SPATS2L: variants seen among roughly 807,000 people sequenced by gnomAD.
SPATS2L encodes the protein spermatogenesis associated serine rich 2 like.
In SPATS2L, 30 loss-of-function variants were observed where a neutral mutation model predicts 59.6. The ratio of observed to expected loss-of-function variants is 0.50; its 90% confidence interval spans 0.38 to 0.68. The LOEUF (loss-of-function observed/expected upper bound fraction) is 0.68. Ranked by LOEUF, SPATS2L falls within the 30% of genes least tolerant of loss-of-function variation. SPATS2L has a pLI of 0.00. For missense variants in SPATS2L, 615 were observed against 700.0 expected (o/e 0.88, Z 1.37); for synonymous variants, 252 against 263.5 (o/e 0.96, Z 0.42).
chr2:200,472,160 T>C (rs2087096984), intron 11 of SPATS2L, among the ~76,000 whole-genome samples: 1 of 152,160 alleles, frequency 6.6e-6, no homozygotes, highest in South Asian at 2.1e-4. Flanking sequence ...ACCTTGGAAG[T>C]GGTGCACATC....
At chr2:200,458,750 T>C (rs1484918618) in intron 8 of SPATS2L, among the ~76,000 whole-genome samples, 1 of 152,026 alleles carries the variant, frequency 6.6e-6, no homozygotes, top group African/African-American at 2.4e-5. Flanking sequence ...AAAAAAGATT[T>C]ATGGGACAGT....
intron 2 of SPATS2L, among the ~76,000 whole-genome samples, chr2:200,387,045 T>A (rs2082014669): frequency 6.6e-6 from 1 of 152,216 alleles, no homozygotes; most frequent in Non-Finnish European, 1.5e-5. Context: ...CAAAAACACC[T>A]AATTATTTGT....
At chr2:200,325,348 G>C (rs2079698992) in intron 1 of SPATS2L, among the ~76,000 whole-genome samples, 1 of 152,132 alleles carries the variant, frequency 6.6e-6, no homozygotes, top group Admixed American at 6.5e-5. Flanking sequence ...AGGTACAGCT[G>C]AATCCAAGAT....
Position 200,389,186 on chromosome 2 carries a change from C to A in SPATS2L, c.-22-37C>A. ...GTGTAAAAATAACACATTGAGAAATCAATTTTAAAACTTAATCTTGTTTTC... is the reference window on the plus strand; with the variant it reads ...GTGTAAAAATAACACATTGAGAAATAAATTTTAAAACTTAATCTTGTTTTC... On this transcript the variant is annotated intron_variant, in intron 2 of 12. Coordinates refer to ENST00000409140, the MANE Select transcript of SPATS2L (RefSeq NM_001100423.2). The A allele has an allele frequency of 2.9e-6, 4 of 1,390,338 alleles. No homozygotes were observed. In the South Asian group the frequency reaches 5.1e-5, roughly 18 times the overall value. 86.1% of individuals were successfully genotyped at this position (1,390,338 alleles called of 1,614,324 possible). A position where few individuals can be genotyped will look rare whatever the true frequency, so the allele number is the denominator to read the frequency against.
At chr2:200,397,880 G>T (rs1269664235) in intron 3 of SPATS2L, among the ~76,000 whole-genome samples, 1 of 152,128 alleles carries the variant, frequency 6.6e-6, no homozygotes, top group Admixed American at 6.6e-5. Flanking sequence ...CCAAGAGACA[G>T]ATGCCAAGAT....
At position 200,329,781 on chromosome 2, in the gene SPATS2L, C is replaced by CAAAA. The variant is rs3036485; in HGVS notation, c.-23+311_-23+314dup. On this transcript the variant is annotated intron_variant, in intron 2 of 12. Transcript: ENST00000409140. ...ATGCATATGAAATACTTTGAAGTAC[C>CAAAA]AAAAAAAAAAAAATAGGGCTTTTAA... Among the ~76,000 whole-genome samples, 69 of 144,944 alleles carry CAAAA rather than the reference C, an allele frequency of 4.8e-4. 1 individual carries two copies. Among genetic ancestry groups the CAAAA allele is most frequent in the Middle Eastern group, 3.7e-3 (1 of 272 alleles).
chr2:200,419,334 C>T lies in SPATS2L; in HGVS notation c.283C>T (p.Pro95Ser), dbSNP rs1243194307. Residue 95 changes from proline to serine, a missense_variant, in exon 6 of 13, where the codon CCC becomes TCC. Pro to Ser is a moderately conservative substitution (Grantham distance 74). Around this residue, in one of 3 missense-constraint regions of SPATS2L, gnomAD observed 227 missense variants for 257.4 expected, o/e 0.88. Coordinates refer to ENST00000409140, the MANE Select transcript of SPATS2L (RefSeq NM_001100423.2). ...CAAGGTGGAGAGGCCTGAGGCAGGG[C>T]CCCTGCAGCCGCAGCCACCACAGAT... is the stretch of plus-strand genomic sequence containing the variant. ...KDKVERPEAG[P>S]LQPQPPQIQN... is the part of the protein sequence containing the mutation. 1 of 1,609,894 alleles carries T rather than the reference C, an allele frequency of 6.2e-7. No individual in the cohort carries two copies. Among genetic ancestry groups the T allele is most frequent in the South Asian group, 1.1e-5 (1 of 90,318 alleles).
chr2:200,408,984 C>T (rs539327798), intron 3 of SPATS2L, among the ~76,000 whole-genome samples: 1 of 152,376 alleles, frequency 6.6e-6, no homozygotes, highest in East Asian at 1.9e-4. Context: ...GAACCGCTAA[C>T]TAGCCATCTT....
chr2:200,413,552 T>G (rs1441163898), intron 4 of SPATS2L, among the ~76,000 whole-genome samples: 1 of 152,218 alleles, frequency 6.6e-6, no homozygotes, highest in African/African-American at 2.4e-5. Flanking sequence ...TTCTATTTTG[T>G]AAATATGGGC....
At chr2:200,315,856 C>CA (rs374718905) in intron 1 of SPATS2L, among the ~76,000 whole-genome samples, 6,235 of 90,916 alleles carry the variant, frequency 0.069, 401 homozygotes, top group Admixed American at 0.19. Context: ...ACCAAAAATC[C>CA]AAAAAAAAAA....
intron 3 of SPATS2L, among the ~76,000 whole-genome samples, chr2:200,396,228 C>T (rs1400526346): frequency 1.3e-5 from 2 of 151,352 alleles, no homozygotes; most frequent in Admixed American, 1.3e-4. Context: ...GGGAACAGCT[C>T]AGTCTATAAT....
chr2:200,396,895 T>C (rs142090976), intron 3 of SPATS2L, among the ~76,000 whole-genome samples: 3 of 152,280 alleles, frequency 2.0e-5, no homozygotes, highest in South Asian at 2.1e-4. Context: ...GGTCATTAAA[T>C]TTCCCATTAA....
intron 2 of SPATS2L, among the ~76,000 whole-genome samples, chr2:200,331,188 G>C (rs900531947): frequency 6.6e-6 from 1 of 152,188 alleles, no homozygotes; most frequent in African/African-American, 2.4e-5. Context: ...GTCCCATGTG[G>C]ACACATAAGC....
intron 12 of SPATS2L, 31 bp downstream of exon 12, chr2:200,473,083 GA>G (rs11402412): frequency 0.083 from 95,525 of 1,151,304 alleles, 6 homozygotes; most frequent in Non-Finnish European, 0.087. Context: ...GGTGCCAGAG[GA>G]AAAAAAAAAA....
At chr2:200,435,752 A>G (rs901570140) in intron 6 of SPATS2L, among the ~76,000 whole-genome samples, 1 of 152,178 alleles carries the variant, frequency 6.6e-6, no homozygotes, top group Non-Finnish European at 1.5e-5. Flanking sequence ...CTGAAGATCA[A>G]AACTCTCACA....
intron 3 of SPATS2L, among the ~76,000 whole-genome samples, chr2:200,406,448 C>T (rs1442818230): frequency 6.6e-6 from 1 of 151,148 alleles, no homozygotes. Context: ...TTATAAAGGT[C>T]TGGCAGCGTC....
chr2:200,330,044 T>C (rs1288048956), intron 2 of SPATS2L, among the ~76,000 whole-genome samples: 2 of 152,240 alleles, frequency 1.3e-5, no homozygotes, highest in East Asian at 3.8e-4. Context: ...ATCCTGCCTC[T>C]GCTGCCTAAT....
intron 2 of SPATS2L, among the ~76,000 whole-genome samples, chr2:200,375,154 C>T (rs761303239): frequency 2.6e-5 from 4 of 152,096 alleles, no homozygotes; most frequent in Admixed American, 6.6e-5. Context: ...GTTTATGAAG[C>T]GTCCGTAAAG....
At chr2:200,471,811 G>A (rs945246311) in intron 11 of SPATS2L, among the ~76,000 whole-genome samples, 16 of 152,140 alleles carry the variant, frequency 1.1e-4, no homozygotes, top group Non-Finnish European at 1.8e-4. Flanking sequence ...TACTGGTCCC[G>A]CCTAGTCCTC....
Sources: gnomAD v4.1 joint callset for allele counts (sites outside exome capture counted in the v4.1 genomes callset) on GRCh38, gnomAD v4.1.1 for gene constraint, gnomAD v4.1.1 regional missense constraint, MANE v1.5 for transcripts, NCBI Gene and HGNC (gene_info 2026-07-23, HGNC 2026-07-21) for gene names.